MALRD1: variants seen among roughly 807,000 people sequenced by gnomAD.
MALRD1 encodes the protein MAM and LDL receptor class A domain containing 1.
Under a neutral mutation model 242.1 loss-of-function variants are expected in MALRD1, and 247 were observed. The observed-to-expected ratio is 1.02, with a 90% CI of 0.92 to 1.13. The LOEUF (loss-of-function observed/expected upper bound fraction) is 1.13. MALRD1 is among the 50% of genes most tolerant of loss of function. The pLI, the probability that MALRD1 is intolerant of heterozygous loss-of-function variation, is 0.00. For missense variants in MALRD1, 2,989 were observed against 2,533.1 expected (o/e 1.18, Z -3.86); for synonymous variants, 995 against 866.6 (o/e 1.15, Z -2.60).
chr10:19,568,057 C>T (rs1313033912), intron 33 of MALRD1, among the ~76,000 whole-genome samples: 2 of 152,162 alleles, frequency 1.3e-5, no homozygotes, highest in East Asian at 3.9e-4. Context: ...AGACTGTCTT[C>T]TCCATCTGTA....
chr10:19,591,699 T>C (rs1837798626), intron 33 of MALRD1, among the ~76,000 whole-genome samples: 1 of 152,104 alleles, frequency 6.6e-6, no homozygotes, highest in Non-Finnish European at 1.5e-5. Flanking sequence ...GGATTCACCG[T>C]GTTGACCAGG....
At chr10:19,423,887 G>C (rs1028101159) in intron 28 of MALRD1, among the ~76,000 whole-genome samples, 1 of 152,182 alleles carries the variant, frequency 6.6e-6, no homozygotes, top group African/African-American at 2.4e-5. Context: ...GACATAGGAA[G>C]AGGCTGACTC....
chr10:19,164,386 A>G lies in MALRD1; in HGVS notation c.1657-1251A>G, dbSNP rs560773891. Among the ~76,000 whole-genome samples the G allele has an allele frequency of 3.9e-5, 6 of 152,340 alleles. No individual in the cohort carries two copies. In the South Asian group the frequency reaches 1.2e-3, roughly 32 times the overall value. Reference sequence around the variant, plus strand: ...TATATACACTAGAATCTGTCCATTTATCAGTATAAAAGCACAATGATGAAT... The same window carrying G: ...TATATACACTAGAATCTGTCCATTTGTCAGTATAAAAGCACAATGATGAAT... On this transcript the variant is annotated intron_variant, in intron 12 of 39. Transcript: ENST00000454679.
chr10:19,117,504 C>A (rs901292963), intron 5 of MALRD1, among the ~76,000 whole-genome samples: 1 of 151,434 alleles, frequency 6.6e-6, no homozygotes, highest in African/African-American at 2.4e-5. Context: ...CAACATTTAA[C>A]TGAACTATGA....
At chr10:19,488,407 C>T (rs1050855368) in intron 29 of MALRD1, among the ~76,000 whole-genome samples, 2 of 152,006 alleles carry the variant, frequency 1.3e-5, no homozygotes, top group African/African-American at 4.8e-5. Flanking sequence ...TGTGATGATA[C>T]TCATTGTAGT....
intron 2 of MALRD1, among the ~76,000 whole-genome samples, chr10:19,079,334 G>T (rs1303566982): frequency 1.3e-5 from 2 of 151,772 alleles, no homozygotes; most frequent in East Asian, 1.9e-4. Flanking sequence ...GTTATACCTG[G>T]AGAACATACT....
intron 36 of MALRD1, among the ~76,000 whole-genome samples, chr10:19,617,631 G>A (rs537472370): frequency 6.6e-6 from 1 of 151,934 alleles, no homozygotes; most frequent in Admixed American, 6.6e-5. Flanking sequence ...CAGGCAAAAA[G>A]TAGAACTCTT....
chr10:19,730,550 TA>T, intron 38 of MALRD1, 155 bp from the exon 39 acceptor site: 1 of 845,876 alleles, frequency 1.2e-6, no homozygotes, highest in Non-Finnish European at 1.9e-6. Context: ...AAATAAAAAA[TA>T]AAAAACAAAC....
chr10:19,113,082 T>C (rs180755979), intron 5 of MALRD1, among the ~76,000 whole-genome samples: 10 of 152,316 alleles, frequency 6.6e-5, no homozygotes, highest in Admixed American at 4.6e-4. Flanking sequence ...GCCCACATTT[T>C]TTTTCCCCTA....
intron 21 of MALRD1, among the ~76,000 whole-genome samples, chr10:19,298,652 A>C (rs1214570452): frequency 2.6e-5 from 4 of 151,998 alleles, no homozygotes; most frequent in Admixed American, 6.6e-5. Context: ...AAGCATCAGC[A>C]GGACTAGAAA....
At chr10:19,579,119 A>G (rs189092819) in intron 33 of MALRD1, among the ~76,000 whole-genome samples, 51 of 152,284 alleles carry the variant, frequency 3.3e-4, no homozygotes, top group Non-Finnish European at 5.6e-4. Flanking sequence ...AAACATAGCT[A>G]TGTTTGTCTT....
intron 2 of MALRD1, among the ~76,000 whole-genome samples, chr10:19,071,043 G>A (rs1835131865): frequency 6.6e-6 from 1 of 151,578 alleles, no homozygotes; most frequent in Non-Finnish European, 1.5e-5. Flanking sequence ...GTAGAGATGA[G>A]GTTCTCCATG....
intron 21 of MALRD1, among the ~76,000 whole-genome samples, chr10:19,284,202 A>G (rs1045727884): frequency 3.3e-5 from 5 of 151,842 alleles, no homozygotes; most frequent in Non-Finnish European, 4.4e-5. Context: ...TGTGAAATGC[A>G]TGAATATTTT....
At chr10:19,335,166 C>T (rs940011328) in intron 24 of MALRD1, among the ~76,000 whole-genome samples, 2 of 147,350 alleles carry the variant, frequency 1.4e-5, no homozygotes, top group Non-Finnish European at 3.0e-5. Flanking sequence ...TGAATGATTG[C>T]AAAACCTCTT....
intron 26 of MALRD1, among the ~76,000 whole-genome samples, chr10:19,373,203 C>CAAAAAAAAAAATAAATAAA (rs1845459184): frequency 1.7e-5 from 2 of 114,886 alleles, no homozygotes; most frequent in African/African-American, 6.8e-5. Context: ...ACGCTAAATA[C>CAAAAAAAAAAATAAATAAA]AAAAAAAAAA....
intron 32 of MALRD1, among the ~76,000 whole-genome samples, chr10:19,555,721 A>T (rs1045104093): frequency 2.6e-5 from 4 of 152,130 alleles, no homozygotes; most frequent in Non-Finnish European, 5.9e-5. Context: ...TACTAAATTA[A>T]TTCTAAAGTG....
intron 18 of MALRD1, among the ~76,000 whole-genome samples, chr10:19,252,195 C>A (rs138918687): frequency 2.0e-5 from 3 of 151,962 alleles, no homozygotes; most frequent in Non-Finnish European, 4.4e-5. Context: ...CTAGTGTCTG[C>A]GGCAGCTGAG....
chr10:19,210,887 G>A (rs1016834705), intron 18 of MALRD1, among the ~76,000 whole-genome samples: 1 of 152,106 alleles, frequency 6.6e-6, no homozygotes, highest in Admixed American at 6.6e-5. Context: ...GTGTGGCATC[G>A]TTTGGCTCCG....
chr10:19,381,362 A>T (rs919332939), intron 26 of MALRD1, among the ~76,000 whole-genome samples: 1 of 151,886 alleles, frequency 6.6e-6, no homozygotes, highest in Admixed American at 6.6e-5. Flanking sequence ...TAATGCCGCA[A>T]TAAACATACG....
Sources: allele counts gnomAD v4.1 joint callset (sites outside exome capture counted in the v4.1 genomes callset), GRCh38; gene constraint gnomAD v4.1.1; transcripts MANE v1.5; gene names NCBI Gene and HGNC (gene_info 2026-07-23, HGNC 2026-07-21).